NRG3: variants seen among roughly 807,000 people sequenced by gnomAD.
NRG3 encodes the protein neuregulin 3, also known as pro-neuregulin-3, membrane-bound isoform.
In NRG3, 31 loss-of-function variants were observed where a neutral mutation model predicts 66.9. The observed-to-expected ratio is 0.46, with a 90% confidence interval of 0.35 to 0.63. NRG3 has a LOEUF of 0.63. Among genes scored for constraint, NRG3 ranks in the 20% least tolerant of loss-of-function variants. The probability of loss-of-function intolerance (pLI) is 0.00; values close to 1 mark genes in which losing one functional copy is unlikely to be tolerated. For missense variants in NRG3, 910 were observed against 878.9 expected, an observed-to-expected ratio of 1.04 and a Z score of -0.45; for synonymous variants, 393 against 359.4, an observed-to-expected ratio of 1.09 and a Z score of -1.06.
chr10:82,602,687 C>T (rs187824575), intron 2 of NRG3, among the ~76,000 whole-genome samples: 54 of 152,182 alleles, frequency 3.5e-4, no homozygotes, highest in South Asian at 2.9e-3. Context: ...AAGACCCAAG[C>T]GCAGTTCCTG....
chr10:82,694,704 A>C (rs2055232734), intron 2 of NRG3, among the ~76,000 whole-genome samples: 1 of 152,164 alleles, frequency 6.6e-6, no homozygotes, highest in African/African-American at 2.4e-5. Flanking sequence ...ACTGAGTCAT[A>C]ATTGTGCCAT....
intron 1 of NRG3, among the ~76,000 whole-genome samples, chr10:82,203,688 A>G (rs151242545): frequency 1.6e-4 from 24 of 152,326 alleles, no homozygotes; most frequent in East Asian, 9.6e-4. Flanking sequence ...CCGAATATGA[A>G]TATGTTTAGC....
chr10:82,614,569 A>G (rs2048519684), intron 2 of NRG3, among the ~76,000 whole-genome samples: 1 of 152,212 alleles, frequency 6.6e-6, no homozygotes, highest in African/African-American at 2.4e-5. Context: ...TTAATGCTTT[A>G]TTAATGATTT....
chr10:82,756,803 G>A (rs897490264), intron 3 of NRG3, among the ~76,000 whole-genome samples: 4 of 151,342 alleles, frequency 2.6e-5, no homozygotes, highest in Non-Finnish European at 5.9e-5. Flanking sequence ...AACACTTGCT[G>A]TGAACCAAGC....
At chr10:81,920,862 G>C (rs1174328316) in intron 1 of NRG3, among the ~76,000 whole-genome samples, 1 of 151,990 alleles carries the variant, frequency 6.6e-6, no homozygotes, top group Non-Finnish European at 1.5e-5. Flanking sequence ...TAATTGTATA[G>C]AACAGAACAG....
In NRG3 at chr10:82,410,715, ATCTTT is replaced by A. The variant is rs543886720; in HGVS notation, c.953+51857_953+51861del. On this transcript the variant is annotated intron_variant, in intron 2 of 8. Transcript: ENST00000372141. ...GCAAATGTTTGTGATATCCAAATGT[ATCTTT>A]TCTTTTCTTGTATCTCAAGAAAAGA... is the stretch of plus-strand genomic sequence containing the variant. 1.3e-3 allele frequency among the ~76,000 whole-genome samples: 203 copies of A among 152,052 alleles called. 1 individual carries two copies. Among genetic ancestry groups the A allele is most frequent in the African/African-American group, 4.2e-3 (173 of 41,472 alleles).
intron 1 of NRG3, among the ~76,000 whole-genome samples, chr10:82,317,683 C>T (rs1280388979): frequency 6.6e-6 from 1 of 152,186 alleles, no homozygotes; most frequent in Non-Finnish European, 1.5e-5. Context: ...TTTGTGGCAT[C>T]ACAGGTGGTT....
At chr10:82,149,477 T>A (rs900947844) in intron 1 of NRG3, among the ~76,000 whole-genome samples, 2 of 152,194 alleles carry the variant, frequency 1.3e-5, no homozygotes, top group African/African-American at 4.8e-5. Flanking sequence ...TCATGTGTTT[T>A]ATTGCCTGTG....
chr10:82,763,795 T>G (rs557574034), intron 3 of NRG3, among the ~76,000 whole-genome samples: 41 of 152,262 alleles, frequency 2.7e-4, no homozygotes, highest in African/African-American at 9.6e-4. Flanking sequence ...CTAGTCCAAA[T>G]TAAGATGCTC....
At chr10:82,783,932 G>T (rs1192572930) in intron 3 of NRG3, among the ~76,000 whole-genome samples, 3 of 151,912 alleles carry the variant, frequency 2.0e-5, no homozygotes, top group African/African-American at 7.3e-5. Context: ...AAAGCTGGAG[G>T]CATCACGCTA....
chr10:82,680,728 C>T (rs1329639117), intron 2 of NRG3, among the ~76,000 whole-genome samples: 2 of 152,156 alleles, frequency 1.3e-5, no homozygotes, highest in African/African-American at 4.8e-5. Context: ...TATGGTGAAG[C>T]TTTCTTCAGA....
rs76572488 is a variant in NRG3, at chr10:82,206,844, G to A, written c.824-151895G>A. 5.6e-3 allele frequency among the ~76,000 whole-genome samples: 847 copies of A among 152,258 alleles called. 19 individuals carry two copies. The East Asian group carries it at 0.057, about 10-fold the overall frequency. ...ACACGTTTTAAAAATTAATTGCATA[G>A]CACATTTGCAAGTTATGTTCCCGTA... On this transcript the variant is annotated intron_variant, in intron 1 of 8. Coordinates refer to ENST00000372141, the MANE Select transcript of NRG3 (RefSeq NM_001010848.4).
At chr10:82,148,960 G>T (rs2070471155) in intron 1 of NRG3, among the ~76,000 whole-genome samples, 1 of 152,036 alleles carries the variant, frequency 6.6e-6, no homozygotes, top group South Asian at 2.1e-4. Context: ...AGGTGGGGGT[G>T]AGATGAGTCA....
At chr10:82,848,392 C>G (rs1049162368) in intron 3 of NRG3, among the ~76,000 whole-genome samples, 1 of 152,090 alleles carries the variant, frequency 6.6e-6, no homozygotes, top group African/African-American at 2.4e-5. Context: ...GCCTGTAGTC[C>G]CTTCATTTTG....
chr10:81,900,719 T>G (rs1036173461), intron 1 of NRG3, among the ~76,000 whole-genome samples: 1 of 152,236 alleles, frequency 6.6e-6, no homozygotes, highest in African/African-American at 2.4e-5. Flanking sequence ...TTTGCTGTCC[T>G]GAGAGGAAAT....
chr10:82,446,102 G>A (rs1208620029), intron 2 of NRG3, among the ~76,000 whole-genome samples: 1 of 152,108 alleles, frequency 6.6e-6, no homozygotes, highest in African/African-American at 2.4e-5. Context: ...TCATGACCCA[G>A]CTTAATGTCA....
chr10:82,678,710 CCTGA>C (rs1294195327), intron 2 of NRG3, among the ~76,000 whole-genome samples: 1 of 152,106 alleles, frequency 6.6e-6, no homozygotes, highest in Non-Finnish European at 1.5e-5. Flanking sequence ...CTCACGCCTG[CCTGA>C]CTACCTACTC....
chr10:81,901,275 C>T (rs145210814), intron 1 of NRG3, among the ~76,000 whole-genome samples: 4 of 152,284 alleles, frequency 2.6e-5, no homozygotes, highest in Non-Finnish European at 5.9e-5. Context: ...GAACTGCAGC[C>T]GGGGCCTCCC....
intron 1 of NRG3, among the ~76,000 whole-genome samples, chr10:82,052,446 A>G (rs533185823): frequency 6.6e-6 from 1 of 152,282 alleles, no homozygotes; most frequent in African/African-American, 2.4e-5. Flanking sequence ...TGCAGGAGGA[A>G]TGGGCCATCA....
Sources: gnomAD v4.1 joint callset for allele counts (sites outside exome capture counted in the v4.1 genomes callset) on GRCh38, gnomAD v4.1.1 for gene constraint, MANE v1.5 for transcripts, NCBI Gene and HGNC (gene_info 2026-07-23, HGNC 2026-07-21) for gene names.